The following ST6GALNAC3 variants were observed in gnomAD, a reference collection of about 807,000 sequenced individuals.
ST6GALNAC3 encodes ST6 N-acetylgalactosaminide alpha-2,6-sialyltransferase 3.
A neutral mutation model predicts 32.7 loss-of-function variants in ST6GALNAC3; 25 were observed. The observed-to-expected ratio is 0.76, with a 90% CI of 0.56 to 1.07. The LOEUF (loss-of-function observed/expected upper bound fraction) is 1.07. Among genes scored for constraint, ST6GALNAC3 ranks in the 50% least tolerant of loss-of-function variants. The pLI is 0.00. For missense variants in ST6GALNAC3, 355 were observed against 382.4 expected, an observed-to-expected ratio of 0.93 and a Z score of 0.60; for synonymous variants, 129 against 133.1, an observed-to-expected ratio of 0.97 and a Z score of 0.21.
chr1:76,545,428 CTAATA>C (rs1664234279), intron 3 of ST6GALNAC3, among the ~76,000 whole-genome samples: 1 of 152,088 alleles, frequency 6.6e-6, no homozygotes, highest in African/African-American at 2.4e-5. Flanking sequence ...CCTACTGAAC[CTAATA>C]TAAGTTTCCA....
At chr1:76,155,814 TTTTAATCATA>T (rs1159134825) in intron 1 of ST6GALNAC3, among the ~76,000 whole-genome samples, 3 of 152,150 alleles carry the variant, frequency 2.0e-5, no homozygotes, top group Non-Finnish European at 4.4e-5. Flanking sequence ...GTTGTTGTTG[TTTTAATCATA>T]TTAGCATAAC....
intron 3 of ST6GALNAC3, among the ~76,000 whole-genome samples, chr1:76,481,407 T>G (rs1659713900): frequency 6.6e-6 from 1 of 152,192 alleles, no homozygotes; most frequent in African/African-American, 2.4e-5. Flanking sequence ...TGATCTCCCT[T>G]GGGTCTCCCC....
chr1:76,536,673 A>C (rs907658925), intron 3 of ST6GALNAC3, among the ~76,000 whole-genome samples: 1 of 151,406 alleles, frequency 6.6e-6, no homozygotes, highest in Admixed American at 6.6e-5. Flanking sequence ...AAAAAAAAAA[A>C]AAAGCAGGGG....
intron 3 of ST6GALNAC3, among the ~76,000 whole-genome samples, chr1:76,585,294 G>A (rs1461464032): frequency 4.6e-5 from 7 of 151,918 alleles, no homozygotes; most frequent in Non-Finnish European, 2.9e-5. Flanking sequence ...GCTGAGACAG[G>A]AGAATCTCTT....
At chr1:76,561,054 G>T (rs1252929377) in intron 3 of ST6GALNAC3, among the ~76,000 whole-genome samples, 1 of 152,172 alleles carries the variant, frequency 6.6e-6, no homozygotes, top group Non-Finnish European at 1.5e-5. Flanking sequence ...CAGCAACACG[G>T]ATGGAACTGG....
chr1:76,486,783 T>G (rs1660147129), intron 3 of ST6GALNAC3, among the ~76,000 whole-genome samples: 1 of 152,198 alleles, frequency 6.6e-6, no homozygotes, highest in Non-Finnish European at 1.5e-5. Context: ...GTTAGCTGGT[T>G]ATTTTGCTCG....
intron 1 of ST6GALNAC3, among the ~76,000 whole-genome samples, chr1:76,120,287 A>G (rs1648786454): frequency 6.6e-6 from 1 of 152,164 alleles, no homozygotes; most frequent in African/African-American, 2.4e-5. Flanking sequence ...ATGTGTCCAG[A>G]GTGATCTCGT....
intron 3 of ST6GALNAC3, among the ~76,000 whole-genome samples, chr1:76,530,757 T>C (rs1014735835): frequency 6.6e-6 from 1 of 152,202 alleles, no homozygotes; most frequent in East Asian, 1.9e-4. Context: ...GATAAGGGAA[T>C]TGAGGCTTAG....
At chr1:76,121,438 C>T (rs190624477) in intron 1 of ST6GALNAC3, among the ~76,000 whole-genome samples, 1 of 152,282 alleles carries the variant, frequency 6.6e-6, no homozygotes, top group Non-Finnish European at 1.5e-5. Context: ...TGGGTCAGGC[C>T]AGGCATGGTG....
chr1:76,104,461 T>A (rs1647381043), intron 1 of ST6GALNAC3, among the ~76,000 whole-genome samples: 1 of 152,170 alleles, frequency 6.6e-6, no homozygotes, highest in African/African-American at 2.4e-5. Context: ...AAACAAATGA[T>A]ACACCTGGTC....
intron 1 of ST6GALNAC3, among the ~76,000 whole-genome samples, chr1:76,299,262 GT>G (rs1660589940): frequency 6.6e-6 from 1 of 152,022 alleles, no homozygotes; most frequent in Non-Finnish European, 1.5e-5. Flanking sequence ...CAATAGATCT[GT>G]GGTTAAAGCA....
chr1:76,357,360 T>C (rs557812335), intron 2 of ST6GALNAC3, among the ~76,000 whole-genome samples: 1 of 152,260 alleles, frequency 6.6e-6, no homozygotes, highest in East Asian at 1.9e-4. Flanking sequence ...GGTCTCAAAC[T>C]CCTGACCCCA....
chr1:76,416,918 G>T (rs1025959671), intron 3 of ST6GALNAC3, among the ~76,000 whole-genome samples: 5 of 151,906 alleles, frequency 3.3e-5, no homozygotes, highest in Non-Finnish European at 7.4e-5. Flanking sequence ...GAGCCACCAC[G>T]CCCGGCCAGC....
rs554116119 is a variant in ST6GALNAC3, at chr1:76,337,596, G to T, written c.213+23597G>T. ...CTTGATGCCTAAATTGTGGCCTGGG[G>T]GTCACGATCTCCTGGGTGCTAGTTA... On this transcript the variant is annotated intron_variant, in intron 2 of 4. Transcript: ENST00000328299. Among the ~76,000 whole-genome samples the T allele has an allele frequency of 1.9e-3, 286 of 152,168 alleles. 1 individual carries two copies. The highest frequency in any genetic ancestry group is 6.3e-3 in the African/African-American group (263 of 41,518).
At chr1:76,435,172 T>C (rs1229313166) in intron 3 of ST6GALNAC3, among the ~76,000 whole-genome samples, 1 of 152,172 alleles carries the variant, frequency 6.6e-6, no homozygotes, top group Admixed American at 6.5e-5. Flanking sequence ...ATCTATAAAA[T>C]TGACTTAAAC....
At chr1:76,461,119 T>G (rs969111353) in intron 3 of ST6GALNAC3, among the ~76,000 whole-genome samples, 6 of 152,140 alleles carry the variant, frequency 3.9e-5, no homozygotes. Context: ...GGAGTGCAGA[T>G]TGGTCATTGT....
At chr1:76,350,127 T>TC (rs1648849898) in intron 2 of ST6GALNAC3, among the ~76,000 whole-genome samples, 1 of 152,204 alleles carries the variant, frequency 6.6e-6, no homozygotes, top group Non-Finnish European at 1.5e-5. Context: ...TGGTTTTTTT[T>TC]CAACATAAAA....
chr1:76,635,629 C>T (rs980665358), downstream of ST6GALNAC3, among the ~76,000 whole-genome samples: 1 of 152,130 alleles, frequency 6.6e-6, no homozygotes, highest in Non-Finnish European at 1.5e-5. Context: ...ATTTCAGTAG[C>T]TTAAGAGAAT....
At chr1:76,625,360 C>G (rs12129945) in intron 3 of ST6GALNAC3, among the ~76,000 whole-genome samples, 1 of 151,626 alleles carries the variant, frequency 6.6e-6, no homozygotes, top group Non-Finnish European at 1.5e-5. Context: ...TTTTCCTCAT[C>G]ATATAGAAAC....
Sources: allele counts gnomAD v4.1 joint callset (sites outside exome capture counted in the v4.1 genomes callset), GRCh38; gene constraint gnomAD v4.1.1; transcripts MANE v1.5; gene names NCBI Gene and HGNC (gene_info 2026-07-23, HGNC 2026-07-21).